The following ASPRV1 variants were observed in gnomAD, a reference collection of about 807,000 sequenced individuals.
The protein encoded by ASPRV1 is retroviral-like aspartic protease 1.
A neutral mutation model predicts 11.0 loss-of-function variants in ASPRV1; 7 were observed. The ratio of observed to expected loss-of-function variants is 0.64; its 90% CI spans 0.36 to 1.20. The LOEUF (loss-of-function observed/expected upper bound fraction) is 1.20, where lower values mean the gene tolerates loss of function less well. Ranked by LOEUF, ASPRV1 falls within the 50% of genes most tolerant of loss-of-function variation. ASPRV1 has a pLI of 0.02. For missense variants in ASPRV1, 299 were observed against 320.0 expected (o/e 0.93, Z 0.50); for synonymous variants, 136 against 138.4 (o/e 0.98, Z 0.12).
chr2:69,997,114 A>G, the ASPRV1 span, among the ~76,000 whole-genome samples: 5 of 151,714 alleles, frequency 3.3e-5, no homozygotes, highest in African/African-American at 7.3e-5. Context: ...TAAGCCCAGA[A>G]GTTGAAAGCT....
chr2:69,941,768 T>C, the ASPRV1 span: 2 of 152,146 alleles, frequency 1.3e-5, no homozygotes, highest in Non-Finnish European at 2.9e-5. Context: ...TCTAGCAATA[T>C]CTTGGAGCTT....
chr2:69,992,390 T>A, the ASPRV1 span, among the ~76,000 whole-genome samples: 1 of 152,242 alleles, frequency 6.6e-6, no homozygotes, highest in Non-Finnish European at 1.5e-5. Flanking sequence ...CTGGACATTC[T>A]GACATACCCA....
At chr2:70,060,259 T>C in the ASPRV1 span, among the ~76,000 whole-genome samples, 1 of 146,148 alleles carries the variant, frequency 6.8e-6, no homozygotes, top group Non-Finnish European at 1.5e-5. Context: ...GAGAATTACT[T>C]GAACTCAGGA....
the ASPRV1 span, among the ~76,000 whole-genome samples, chr2:70,014,129 C>G: frequency 6.6e-6 from 1 of 152,036 alleles, no homozygotes; most frequent in African/African-American, 2.4e-5. Context: ...ATATAACACC[C>G]AAGGCACAGG....
chr2:69,998,920 G>A, the ASPRV1 span, among the ~76,000 whole-genome samples: 19 of 152,148 alleles, frequency 1.2e-4, no homozygotes, highest in Non-Finnish European at 2.2e-4. Context: ...GTCAGCAGTC[G>A]GGCACAGGCC....
At chr2:70,086,789 T>C in the ASPRV1 span, among the ~76,000 whole-genome samples, 1 of 152,232 alleles carries the variant, frequency 6.6e-6, no homozygotes, top group Non-Finnish European at 1.5e-5. Flanking sequence ...ATGGACGCCA[T>C]TCTTTTTAGG....
At chr2:70,074,593 T>C in the ASPRV1 span, among the ~76,000 whole-genome samples, 1 of 151,600 alleles carries the variant, frequency 6.6e-6, no homozygotes. Context: ...CTTTGTTTAA[T>C]GAATAAGGAC....
the ASPRV1 span, among the ~76,000 whole-genome samples, chr2:70,020,747 G>C: frequency 1.3e-5 from 2 of 152,002 alleles, no homozygotes; most frequent in Non-Finnish European, 2.9e-5. Context: ...ACATTGTGCA[G>C]AGTGATGTAA....
chr2:69,935,087 A>G, the ASPRV1 span, among the ~76,000 whole-genome samples: 2 of 152,214 alleles, frequency 1.3e-5, no homozygotes, highest in African/African-American at 2.4e-5. Flanking sequence ...ACACATGTGA[A>G]TGACTATATA....
the ASPRV1 span, among the ~76,000 whole-genome samples, chr2:70,004,214 C>G: frequency 2.0e-5 from 3 of 152,066 alleles, no homozygotes; most frequent in African/African-American, 7.2e-5. Context: ...TAGGGACCAA[C>G]TCCAGATGGA....
At chr2:69,961,891 A>G, upstream of ASPRV1, 1 of 515,484 alleles carries the variant, frequency 1.9e-6, no homozygotes, top group South Asian at 4.5e-5. Context: ...ACAGATGAGG[A>G]CACGGAGGAT....
chr2:70,033,769 A>T, the ASPRV1 span, among the ~76,000 whole-genome samples: 2 of 152,010 alleles, frequency 1.3e-5, no homozygotes, highest in African/African-American at 4.8e-5. Context: ...CTCTATATCA[A>T]CTCTCCAGCT....
the ASPRV1 span, chr2:70,031,514 G>A: frequency 3.9e-5 from 6 of 152,114 alleles, no homozygotes; most frequent in African/African-American, 1.5e-4. Context: ...CGGCTAACAT[G>A]GTAAAACCCC....
the ASPRV1 span, chr2:70,080,959 C>T: frequency 1.6e-4 from 24 of 152,172 alleles, no homozygotes; most frequent in African/African-American, 5.8e-4. Flanking sequence ...TTGGTAGACA[C>T]AGGGGCTCCC....
the ASPRV1 span, among the ~76,000 whole-genome samples, chr2:70,002,814 T>A: frequency 6.6e-6 from 1 of 152,186 alleles, no homozygotes; most frequent in African/African-American, 2.4e-5. Context: ...CTGATCAGAA[T>A]AGCCCTATGT....
the ASPRV1 span, among the ~76,000 whole-genome samples, chr2:69,973,921 C>T: frequency 6.6e-6 from 1 of 152,150 alleles, no homozygotes; most frequent in East Asian, 1.9e-4. Flanking sequence ...TGGCTGATTT[C>T]AATCCACCAA....
At chr2:70,037,733 CTTTT>C in the ASPRV1 span, among the ~76,000 whole-genome samples, 1 of 151,472 alleles carries the variant, frequency 6.6e-6, no homozygotes, top group Non-Finnish European at 1.5e-5. Context: ...TATGCTGTTA[CTTTT>C]TTTTAGCTAA....
At chr2:69,952,640 T>A in the ASPRV1 span, among the ~76,000 whole-genome samples, 1 of 151,450 alleles carries the variant, frequency 6.6e-6, no homozygotes, top group Non-Finnish European at 1.5e-5. Context: ...AGAAAAGAGA[T>A]TGCCACATAA....
At chr2:70,063,061 A>G in the ASPRV1 span, among the ~76,000 whole-genome samples, 1 of 152,186 alleles carries the variant, frequency 6.6e-6, no homozygotes, top group African/African-American at 2.4e-5. Context: ...GTCTGTGCAC[A>G]TAACCACTCC....
Sources: allele counts gnomAD v4.1 joint callset (sites outside exome capture counted in the v4.1 genomes callset), GRCh38; gene constraint gnomAD v4.1.1; transcripts MANE v1.5; gene names NCBI Gene and HGNC (gene_info 2026-07-23, HGNC 2026-07-21).